Variants in IL15RA observed in about 807,000 individuals in gnomAD.
IL15RA encodes interleukin 15 receptor subunit alpha, also known as interleukin-15 receptor subunit alpha.
Under a neutral mutation model 24.2 loss-of-function variants are expected in IL15RA, and 26 were observed. That is an observed-to-expected ratio of 1.07 (90% CI 0.79 to 1.49). The LOEUF (loss-of-function observed/expected upper bound fraction) is 1.49, where lower values mean the gene tolerates loss of function less well. Among genes scored for constraint, IL15RA ranks in the 40% most tolerant of loss-of-function variants. The pLI, the probability that IL15RA is intolerant of heterozygous loss-of-function variation, is 0.00. For missense variants in IL15RA, 354 were observed against 356.4 expected, an observed-to-expected ratio of 0.99 and a Z score of 0.05; for synonymous variants, 166 against 157.6, an observed-to-expected ratio of 1.05 and a Z score of -0.40.
In IL15RA at chr10:5,962,813, G is replaced by A. The variant is rs994221020; in HGVS notation, c.382+930C>T. 6.6e-6 allele frequency among the ~76,000 whole-genome samples: 1 copy of A among 152,164 alleles called. No homozygotes were observed. ...GACCAGGGAAAGCCACAGGCTGGACGATGCAACACTAAAGCCAAGAGTGAA... is the reference window on the plus strand; with the variant it reads ...GACCAGGGAAAGCCACAGGCTGGACAATGCAACACTAAAGCCAAGAGTGAA... On this transcript the variant is annotated intron_variant, in intron 3 of 6. Coordinates refer to ENST00000379977, the MANE Select transcript of IL15RA (RefSeq NM_002189.4). This position sits in a 1 kb window ranked among gnomAD's most constrained non-coding sequence, Gnocchi z 5.2.
At position 5,953,386 on chromosome 10, in the gene IL15RA, C is replaced by T; in HGVS notation, c.693-180G>A. 1.4e-6 allele frequency: 1 copy of T among 712,776 alleles called. No homozygotes were observed. Among genetic ancestry groups the T allele is most frequent in the Non-Finnish European group, 2.6e-6 (1 of 385,448 alleles). The allele number at this position is 712,776 out of a possible 1,614,324, so 44.2% of individuals were successfully genotyped here. On this transcript the variant is annotated intron_variant, in intron 6 of 6. Coordinates refer to ENST00000379977, the MANE Select transcript of IL15RA (RefSeq NM_002189.4). This position sits in a 1 kb window ranked among gnomAD's most constrained non-coding sequence, Gnocchi z 5.3. ...TCAGAGATGGAGAGAACCTAGAATGCCTACCTCTACCGAGTGTATTAAATC... is the reference window on the plus strand; with the variant it reads ...TCAGAGATGGAGAGAACCTAGAATGTCTACCTCTACCGAGTGTATTAAATC...
Position 5,975,615 on chromosome 10 carries a change from G to A in IL15RA, c.88+1790C>T, listed in dbSNP as rs1192022023. On this transcript the variant is annotated intron_variant, in intron 1 of 6. Transcript: ENST00000379977. This position sits in a 1 kb window ranked among gnomAD's most constrained non-coding sequence, Gnocchi z 4.8. ...GGGAAAAAAAACAACGGCTGGGCAA[G>A]CTGGCTCACGCCTGTAATCCCAGCA... Among the ~76,000 whole-genome samples the A allele has an allele frequency of 2.6e-5, 4 of 152,100 alleles. No individual in the cohort carries two copies. The highest frequency in any genetic ancestry group is 2.6e-4 in the Admixed American group (4 of 15,278).
At chr10:5,974,238 G>T (rs940902100) in intron 1 of IL15RA, among the ~76,000 whole-genome samples, 7 of 152,130 alleles carry the variant, frequency 4.6e-5, no homozygotes, top group African/African-American at 1.4e-4. Context: ...GGCCTCAAGT[G>T]ATCTGCCCGC....
rs1837994545 is a variant in IL15RA, at chr10:5,973,870, GA to G, written c.88+3534del. Among the ~76,000 whole-genome samples, 1 of 152,156 alleles carries G rather than the reference GA, an allele frequency of 6.6e-6. No homozygotes were observed. Among genetic ancestry groups the G allele is most frequent in the African/African-American group, 2.4e-5 (1 of 41,438 alleles). On this transcript the variant is annotated intron_variant, in intron 1 of 6. Transcript: ENST00000379977. The surrounding 1 kb of genome is among the most constrained non-coding windows in gnomAD (Gnocchi z 4.5). The stretch of plus-strand genomic sequence containing the variant: ...TCTGCTTTTCAAAAGACACTGCTAA[GA>G]GAAAGGATAAGCCACAGAATCTGAG...
At position 5,964,625 on chromosome 10, in the gene IL15RA, C is replaced by T. The variant is rs575386103; in HGVS notation, c.284-784G>A. On this transcript the variant is annotated intron_variant, in intron 2 of 6. Coordinates refer to ENST00000379977, the MANE Select transcript of IL15RA (RefSeq NM_002189.4). The surrounding 1 kb of genome is among the most constrained non-coding windows in gnomAD (Gnocchi z 5.6). ...TCTTTGGACTCTAAAATCCTGATTC[C>T]GGGTTCTCTTCTTTCCTCTCCCATC... Among the ~76,000 whole-genome samples, 3 of 152,304 alleles carry T rather than the reference C, an allele frequency of 2.0e-5. No homozygotes were observed. The highest frequency in any genetic ancestry group is 2.1e-4 in the South Asian group (1 of 4,828).
Position 5,965,484 on chromosome 10 carries a change from C to G in IL15RA, c.283+661G>C, listed in dbSNP as rs1836358830. Among the ~76,000 whole-genome samples, 1 of 152,376 alleles carries G rather than the reference C, an allele frequency of 6.6e-6. No homozygotes were observed. The highest frequency in any genetic ancestry group is 2.1e-4 in the South Asian group (1 of 4,830). Reference sequence around the variant, plus strand: ...AGCATCGTCTCAAATCAAAGCACTACATGTAATAAGAGTTAATATTTACCA... The same window carrying G: ...AGCATCGTCTCAAATCAAAGCACTAGATGTAATAAGAGTTAATATTTACCA... On this transcript the variant is annotated intron_variant, in intron 2 of 6. Transcript: ENST00000379977. This position sits in a 1 kb window ranked among gnomAD's most constrained non-coding sequence, Gnocchi z 5.8.
chr10:5,955,952 C>T lies in IL15RA; in HGVS notation c.692+427G>A, dbSNP rs1323286632. 2.6e-5 allele frequency among the ~76,000 whole-genome samples: 4 copies of T among 152,184 alleles called. No homozygotes were observed. Among genetic ancestry groups the T allele is most frequent in the South Asian group, 2.1e-4 (1 of 4,824 alleles). On this transcript the variant is annotated intron_variant, in intron 6 of 6. Transcript: ENST00000379977. The surrounding 1 kb of genome is among the most constrained non-coding windows in gnomAD (Gnocchi z 5.3). ...TCCTAGAGAAGGGGTGTGTGAGAGC[C>T]GATGGCCAGGAAAGGCGTCCTTCTT...
In IL15RA at chr10:5,960,534, G is replaced by C. The variant is rs759778003; in HGVS notation, c.416C>G (p.Thr139Arg). 1 of 1,614,176 alleles carries C rather than the reference G, an allele frequency of 6.2e-7. No individual in the cohort carries two copies. The highest frequency in any genetic ancestry group is 8.5e-7 in the Non-Finnish European group (1 of 1,180,022). Residue 139 changes from threonine to arginine, a missense_variant, in exon 4 of 7, where the codon ACA becomes AGA. Coordinates refer to ENST00000379977, the MANE Select transcript of IL15RA (RefSeq NM_002189.4). This position sits in a 1 kb window ranked among gnomAD's most constrained non-coding sequence, Gnocchi z 5.1. ...PAASSPSSNN[T>R]AATTAAIVPG... Reference sequence around the variant, plus strand: ...GACAATAGCTGCTGTTGTGGCCGCTGTGTTGTTTGAGCTGGGAGATGAAGC... The same window carrying C: ...GACAATAGCTGCTGTTGTGGCCGCTCTGTTGTTTGAGCTGGGAGATGAAGC...
chr10:5,957,845 G>T (rs2132323229), intron 5 of IL15RA, among the ~76,000 whole-genome samples: 1 of 152,226 alleles, frequency 6.6e-6, no homozygotes, highest in South Asian at 2.1e-4. Flanking sequence ...GCCCACCTTG[G>T]CCTCCCAAAG....
rs1838207504 is a variant in IL15RA at position 5,975,060 on chromosome 10, G to T, written c.88+2345C>A. 2.0e-5 allele frequency among the ~76,000 whole-genome samples: 3 copies of T among 151,266 alleles called. No homozygotes were observed. The highest frequency in any genetic ancestry group is 2.4e-5 in the African/African-American group (1 of 41,214). Reference sequence around the variant, plus strand: ...AAACATACACCTGCCATATAACACAGCCACTCTACTCCCAACCATTCTCTA... The same window carrying T: ...AAACATACACCTGCCATATAACACATCCACTCTACTCCCAACCATTCTCTA... On this transcript the variant is annotated intron_variant, in intron 1 of 6. Transcript: ENST00000379977. The surrounding 1 kb of genome is among the most constrained non-coding windows in gnomAD (Gnocchi z 4.8).
At chr10:5,974,109 C>T (rs1838040224) in intron 1 of IL15RA, among the ~76,000 whole-genome samples, 1 of 152,184 alleles carries the variant, frequency 6.6e-6, no homozygotes, top group South Asian at 2.1e-4. Flanking sequence ...AAGCGATTCT[C>T]CTGCCTCAGC....
At chr10:5,954,366 A>C (rs1834227426) in intron 6 of IL15RA, among the ~76,000 whole-genome samples, 1 of 152,062 alleles carries the variant, frequency 6.6e-6, no homozygotes, top group Admixed American at 6.6e-5. Context: ...CAGCCTCCCA[A>C]AGTGCTGGGA....
At position 5,959,122 on chromosome 10, in the gene IL15RA, G is replaced by C. The variant is rs1052740709; in HGVS notation, c.616+632C>G. ...CGTGTGACTTCTGTAAAGAGGAGCA[G>C]ATTTTTGGTTTTATTTTGTTTTGTT... On this transcript the variant is annotated intron_variant, in intron 5 of 6. Transcript: ENST00000379977. The surrounding 1 kb of genome is among the most constrained non-coding windows in gnomAD (Gnocchi z 4.1). Among the ~76,000 whole-genome samples the C allele has an allele frequency of 6.6e-6, 1 of 150,996 alleles. No individual in the cohort carries two copies. The highest frequency in any genetic ancestry group is 2.4e-5 in the African/African-American group (1 of 41,046).
At chr10:5,951,646 C>A (rs1833885814), downstream of IL15RA, among the ~76,000 whole-genome samples, 1 of 152,206 alleles carries the variant, frequency 6.6e-6, no homozygotes, top group African/African-American at 2.4e-5. Flanking sequence ...GCCAACATAG[C>A]AAAACCCTAT....
downstream of IL15RA, among the ~76,000 whole-genome samples, chr10:5,951,903 T>C (rs193181549): frequency 1.3e-5 from 2 of 152,238 alleles, no homozygotes; most frequent in Admixed American, 1.3e-4. Flanking sequence ...CGATCAATCC[T>C]CCTGCCTCGG....
At chr10:5,969,472 A>G (rs1837229754) in intron 1 of IL15RA, among the ~76,000 whole-genome samples, 1 of 152,154 alleles carries the variant, frequency 6.6e-6, no homozygotes, top group Admixed American at 6.5e-5. Context: ...GCCTAAGCTC[A>G]AGTGATCTTT....
In IL15RA at chr10:5,965,148, T is replaced by C. The variant is rs991324225; in HGVS notation, c.283+997A>G. 6.6e-6 allele frequency among the ~76,000 whole-genome samples: 1 copy of C among 152,066 alleles called. No individual in the cohort carries two copies. Among genetic ancestry groups the C allele is most frequent in the African/African-American group, 2.4e-5 (1 of 41,424 alleles). On this transcript the variant is annotated intron_variant, in intron 2 of 6. Transcript: ENST00000379977. The surrounding 1 kb of genome is among the most constrained non-coding windows in gnomAD (Gnocchi z 5.8). Reference sequence around the variant, plus strand: ...AGAAGCCTGCAGAGGTGGGCCTGAGTGTTCCAGAAACAGCTCCAAGTGGTT... The same window carrying C: ...AGAAGCCTGCAGAGGTGGGCCTGAGCGTTCCAGAAACAGCTCCAAGTGGTT...
chr10:5,963,202 T>C lies in IL15RA; in HGVS notation c.382+541A>G, dbSNP rs1835891639. Among the ~76,000 whole-genome samples, 1 of 152,220 alleles carries C rather than the reference T, an allele frequency of 6.6e-6. No homozygotes were observed. Among genetic ancestry groups the C allele is most frequent in the African/African-American group, 2.4e-5 (1 of 41,458 alleles). ...CCCTGGAGCAGAGAGCAGGTGTGATTACTGCCCATGACAAAACGCTTGGGT... is the reference window on the plus strand; with the variant it reads ...CCCTGGAGCAGAGAGCAGGTGTGATCACTGCCCATGACAAAACGCTTGGGT... On this transcript the variant is annotated intron_variant, in intron 3 of 6. Coordinates refer to ENST00000379977, the MANE Select transcript of IL15RA (RefSeq NM_002189.4). The surrounding 1 kb of genome is among the most constrained non-coding windows in gnomAD (Gnocchi z 5.3).
chr10:5,948,940 A>T (rs191371789), downstream of IL15RA: 1 of 227,190 alleles, frequency 4.4e-6, no homozygotes, highest in African/African-American at 2.2e-5. Context: ...ACAAGGCACA[A>T]TGTCAAAATA....
Sources: allele counts gnomAD v4.1 joint callset (sites outside exome capture counted in the v4.1 genomes callset), GRCh38; gene constraint gnomAD v4.1.1; non-coding constraint Gnocchi (gnomAD v3.1); transcripts MANE v1.5; gene names NCBI Gene and HGNC (gene_info 2026-07-23, HGNC 2026-07-21).